The following DOT1L variants were observed in gnomAD, a reference collection of about 807,000 sequenced individuals.
DOT1L encodes histone-lysine N-methyltransferase, H3 lysine-79 specific.
DOT1L carries 33 observed loss-of-function variants against 153.3 expected under a neutral mutation model. The observed-to-expected ratio is 0.22, with a 90% CI of 0.16 to 0.29. DOT1L has a LOEUF of 0.29. DOT1L is among the 10% of genes least tolerant of loss of function. The pLI, the probability that DOT1L is intolerant of heterozygous loss-of-function variation, is 1.00. For synonymous variants in DOT1L, 1,135 were observed against 965.1 expected, an observed-to-expected ratio of 1.18 and a Z score of -3.26; for missense variants, 1,847 against 2,119.9, an observed-to-expected ratio of 0.87 and a Z score of 2.53.
intron 8 of DOT1L, among the ~76,000 whole-genome samples, chr19:2,200,811 C>G (rs2023231563): frequency 6.7e-6 from 1 of 149,446 alleles, no homozygotes; most frequent in South Asian, 2.1e-4. Context: ...TCCTCGTCCT[C>G]CCCACGCCTC....
intron 1 of DOT1L, among the ~76,000 whole-genome samples, chr19:2,171,634 G>A (rs951927368): frequency 6.6e-6 from 1 of 152,174 alleles, no homozygotes; most frequent in Non-Finnish European, 1.5e-5. Context: ...GTGTCGCTCC[G>A]TGTTCGTGTA....
chr19:2,183,932 CT>C (rs35093717), intron 2 of DOT1L, among the ~76,000 whole-genome samples: 58,248 of 150,862 alleles, frequency 0.39, 12,084 homozygotes, highest in Middle Eastern at 0.49. Context: ...GCCTTTGGTG[CT>C]TTTTTATGTG....
At chr19:2,229,324 T>C in intron 27 of DOT1L, 5 of 985,384 alleles carry the variant, frequency 5.1e-6, no homozygotes, top group Non-Finnish European at 6.0e-6. Flanking sequence ...CCCCTGGCCT[T>C]CTGCCTCAGG....
chr19:2,226,211 G>A lies in DOT1L; in HGVS notation c.3690G>A (p.Ala1230=), dbSNP rs752688001. 1.2e-5 allele frequency: 18 copies of A among 1,521,244 alleles called. No homozygotes were observed. Among genetic ancestry groups the A allele is most frequent in the Admixed American group, 6.1e-5 (3 of 48,802 alleles). 94.2% of individuals were successfully genotyped at this position (1,521,244 alleles called of 1,614,324 possible). A position where few individuals can be genotyped will look rare whatever the true frequency, so the allele number is the denominator to read the frequency against. ...GTGGCTTGGCGGGAAGGAAGCCCGC[G>A]CCCGCCGGCGAGCCAGTCAATAGCA... ...NGGGLAGRKP[A]PAGEPVNSSK... The change falls in exon 27 of 28, where the codon GCG becomes GCA. Residue 1230 remains alanine (A), a synonymous_variant. Transcript: ENST00000398665.
intron 1 of DOT1L, among the ~76,000 whole-genome samples, chr19:2,172,961 C>T (rs1046875979): frequency 1.3e-5 from 2 of 149,634 alleles, no homozygotes; most frequent in African/African-American, 2.5e-5. Context: ...TGGGCAACTG[C>T]GCGAGACTCC....
intron 1 of DOT1L, among the ~76,000 whole-genome samples, chr19:2,166,256 C>T (rs1387706132): frequency 6.6e-6 from 1 of 150,848 alleles, no homozygotes; most frequent in Non-Finnish European, 1.5e-5. Flanking sequence ...GCCACCACAC[C>T]CTGCTAATTT....
intron 15 of DOT1L, 58 bp downstream of exon 15, chr19:2,211,270 A>G: frequency 1.4e-6 from 2 of 1,458,516 alleles, no homozygotes; most frequent in Non-Finnish European, 1.9e-6. Context: ...TCCCAGGAGG[A>G]CCGTGGGTTG....
rs1313071617 is a variant in DOT1L, at chr19:2,214,507, G to T, written c.1834G>T (p.Ala612Ser). 2 of 1,613,188 alleles carry T rather than the reference G, an allele frequency of 1.2e-6. No homozygotes were observed. The highest frequency in any genetic ancestry group is 1.7e-6 in the Non-Finnish European group (2 of 1,179,930). The change falls in exon 19 of 28, where the codon GCC becomes TCC. Residue 612 changes from alanine (A) to serine (S), a missense_variant. Coordinates refer to ENST00000398665, the MANE Select transcript of DOT1L (RefSeq NM_032482.3). ...CTGCGAGGAGCTGCAGCTGGACTGG[G>T]CCACGCTGTCGCTGGAGAAGCTGTT... Reference protein sequence around the residue: ...ARCEELQLDWATLSLEKLLKE... With the variant: ...ARCEELQLDWSTLSLEKLLKE...
intron 27 of DOT1L, chr19:2,228,266 C>T: frequency 7.4e-7 from 1 of 1,360,354 alleles, no homozygotes; most frequent in Non-Finnish European, 9.8e-7. Context: ...AGGCCAGCGC[C>T]ACGGGGCCGT....
chr19:2,174,549 G>C (rs1321159264), intron 1 of DOT1L, among the ~76,000 whole-genome samples: 2 of 152,150 alleles, frequency 1.3e-5, no homozygotes, highest in East Asian at 3.8e-4. Flanking sequence ...AGCTGGGTGT[G>C]GTGGCGCACG....
rs1473398902 is a variant in DOT1L, at chr19:2,220,470, T to C, written c.2806+248T>C. 1.6e-6 allele frequency: 1 copy of C among 619,580 alleles called. No individual in the cohort carries two copies. Among genetic ancestry groups the C allele is most frequent in the South Asian group, 1.5e-5 (1 of 65,988 alleles). The allele number at this position is 619,580 out of a possible 1,614,324, so 38.4% of individuals were successfully genotyped here. A position where few individuals can be genotyped will look rare whatever the true frequency, so the allele number is the denominator to read the frequency against. On this transcript the variant is annotated intron_variant, in intron 23 of 27. Transcript: ENST00000398665. This position sits in a 1 kb window ranked among gnomAD's most constrained non-coding sequence, Gnocchi z 4.5. ...CCGACACTGACACCTCCTGCTTGGG[T>C]GTATTAATTCAGCCCGTGAGGTCGG... is the stretch of plus-strand genomic sequence containing the variant.
rs745693157 is a variant in DOT1L at position 2,213,955 on chromosome 19, A to G, written c.1766A>G (p.Asn589Ser). 5.6e-6 allele frequency: 9 copies of G among 1,612,760 alleles called. No homozygotes were observed. The highest frequency in any genetic ancestry group is 1.7e-5 in the Admixed American group (1 of 60,002). The change falls in exon 18 of 28, where the codon AAC becomes AGC. Residue 589 changes from asparagine (N) to serine (S), a missense_variant. Around this residue, in one of 8 missense-constraint regions of DOT1L, gnomAD observed 156 missense variants for 235.7 expected, o/e 0.66. Coordinates refer to ENST00000398665, the MANE Select transcript of DOT1L (RefSeq NM_032482.3). ...REQSEQLEQD[N>S]RALRGQSLQL... ...CAGTCGGAGCAGCTGGAGCAGGACA[A>G]CCGCGCGCTCCGCGGCCAGAGCTTG...
At chr19:2,189,706 C>G (rs1472995265) in intron 3 of DOT1L, 26 bp from the exon 4 acceptor site, 5 of 1,607,912 alleles carry the variant, frequency 3.1e-6, no homozygotes, top group East Asian at 2.2e-5. Flanking sequence ...GCCCGCATGA[C>G]CAGGGCCTTC....
chr19:2,198,486 G>T (rs1053116003), intron 7 of DOT1L, among the ~76,000 whole-genome samples: 4 of 152,194 alleles, frequency 2.6e-5, no homozygotes, highest in Non-Finnish European at 5.9e-5. Flanking sequence ...CCTGTCCTCC[G>T]GGCCCGGGGG....
intron 2 of DOT1L, among the ~76,000 whole-genome samples, chr19:2,182,290 C>G (rs1287597236): frequency 6.6e-6 from 1 of 152,104 alleles, no homozygotes; most frequent in African/African-American, 2.4e-5. Context: ...CACCTGGAAT[C>G]CCAGTGCTTT....
intron 1 of DOT1L, among the ~76,000 whole-genome samples, chr19:2,174,236 G>A (rs2021795778): frequency 6.6e-6 from 1 of 152,238 alleles, no homozygotes; most frequent in African/African-American, 2.4e-5. Flanking sequence ...CTCCTGTGGA[G>A]GTCTGAGTCC....
chr19:2,225,766 C>G (rs1002397420), intron 26 of DOT1L, among the ~76,000 whole-genome samples: 13 of 152,160 alleles, frequency 8.5e-5, no homozygotes, highest in Non-Finnish European at 1.5e-5. Flanking sequence ...TGCTTTGCAC[C>G]CTGGCCTTCC....
Position 2,210,926 on chromosome 19 carries a change from G to A in DOT1L, c.1351+71G>A, listed in dbSNP as rs901071472. 13 of 1,551,702 alleles carry A rather than the reference G, an allele frequency of 8.4e-6. 1 individual carries two copies. The East Asian group carries it at 1.2e-4, about 14-fold the overall frequency. ...TGCCTGGGGTCCCCTCTGCTGGGAC[G>A]CTGCCCTCCTGAGCCCCGTGTGTTC... is the stretch of plus-strand genomic sequence containing the variant. On this transcript the variant is annotated intron_variant, in intron 14 of 27. Transcript: ENST00000398665.
At chr19:2,187,228 G>C (rs1568337065) in intron 3 of DOT1L, among the ~76,000 whole-genome samples, 1 of 152,242 alleles carries the variant, frequency 6.6e-6, no homozygotes, top group Non-Finnish European at 1.5e-5. Context: ...CCCCTCGGAT[G>C]AGTGGGTGTT....
Sources: allele counts gnomAD v4.1 joint callset (sites outside exome capture counted in the v4.1 genomes callset), GRCh38; gene constraint gnomAD v4.1.1; regional missense constraint gnomAD v4.1.1; non-coding constraint Gnocchi (gnomAD v3.1); transcripts MANE v1.5; gene names NCBI Gene and HGNC (gene_info 2026-07-23, HGNC 2026-07-21).